The following VAT1L variants were observed in gnomAD, a reference collection of about 807,000 sequenced individuals.
VAT1L encodes the protein putative NADPH-dependent quinone oxidoreductase VAT1L.
In VAT1L, 34 loss-of-function variants were observed where a neutral mutation model predicts 44.1. That is an observed-to-expected ratio of 0.77 (90% confidence interval 0.59 to 1.03). The LOEUF is 1.03. Ranked by LOEUF, VAT1L falls within the 50% of genes least tolerant of loss-of-function variation. The pLI is 0.00. For missense variants in VAT1L, 615 were observed against 538.8 expected (o/e 1.14, Z -1.40); for synonymous variants, 253 against 202.2 (o/e 1.25, Z -2.13).
At chr16:77,914,857 G>A (rs911526539) in intron 7 of VAT1L, among the ~76,000 whole-genome samples, 2 of 152,234 alleles carry the variant, frequency 1.3e-5, no homozygotes, top group African/African-American at 4.8e-5. Flanking sequence ...CGGACACGGT[G>A]GTTCACGCCT....
chr16:77,801,232 G>A (rs1413724767), intron 1 of VAT1L: 1 of 152,138 alleles, frequency 6.6e-6, no homozygotes, highest in Non-Finnish European at 1.5e-5. Flanking sequence ...GAAAAAGCAT[G>A]ATGAAGAAAG....
chr16:77,883,325 C>A (rs1402945879), intron 6 of VAT1L, among the ~76,000 whole-genome samples: 11 of 152,118 alleles, frequency 7.2e-5, no homozygotes, highest in Admixed American at 2.0e-4. Context: ...TAAATCATAA[C>A]AAAGCAGTTG....
At chr16:77,967,415 G>C (rs1257222191) in intron 7 of VAT1L, among the ~76,000 whole-genome samples, 3 of 152,302 alleles carry the variant, frequency 2.0e-5, no homozygotes, top group African/African-American at 7.2e-5. Context: ...TCATATGGTG[G>C]CCTAAGAAAG....
chr16:77,801,904 G>A (rs1331746906), intron 1 of VAT1L, among the ~76,000 whole-genome samples: 1 of 152,034 alleles, frequency 6.6e-6, no homozygotes, highest in Non-Finnish European at 1.5e-5. Context: ...GTTCCTACTG[G>A]GGACCTCATA....
chr16:77,822,356 A>G (rs1282193323), intron 2 of VAT1L, among the ~76,000 whole-genome samples: 1 of 151,546 alleles, frequency 6.6e-6, no homozygotes, highest in Non-Finnish European at 1.5e-5. Context: ...CTGGGCTTGA[A>G]CTCCCGAGAC....
chr16:77,951,357 G>C (rs2018040175), intron 7 of VAT1L, among the ~76,000 whole-genome samples: 1 of 150,060 alleles, frequency 6.7e-6, no homozygotes, highest in Admixed American at 6.6e-5. Flanking sequence ...ACCAGCCTGG[G>C]CAATATGGTG....
chr16:77,789,979 T>G (rs2015803442), intron 1 of VAT1L, among the ~76,000 whole-genome samples: 1 of 152,174 alleles, frequency 6.6e-6, no homozygotes, highest in Admixed American at 6.5e-5. Flanking sequence ...GAGACGAGCC[T>G]ATTCCTTCCC....
chr16:77,922,184 G>A lies in VAT1L; in HGVS notation c.1077+37382G>A, dbSNP rs548305948. Among the ~76,000 whole-genome samples the A allele has an allele frequency of 1.1e-4, 16 of 149,758 alleles. No individual in the cohort carries two copies. The East Asian group carries it at 2.4e-3, about 22-fold the overall frequency. ...GCTGTGTGAGTTTGGGATGGCGGGC[G>A]GGGGTGGAGGGGCAGTGTCTGTATG... On this transcript the variant is annotated intron_variant, in intron 7 of 8. Coordinates refer to ENST00000302536, the MANE Select transcript of VAT1L (RefSeq NM_020927.3).
chr16:77,919,123 GGTGT>G (rs373222548), intron 7 of VAT1L, among the ~76,000 whole-genome samples: 2 of 151,858 alleles, frequency 1.3e-5, no homozygotes, highest in African/African-American at 4.8e-5. Context: ...GAGTTTTGAG[GGTGT>G]GTGTGTGTGC....
chr16:77,879,186 A>T lies in VAT1L; in HGVS notation c.844A>T (p.Thr282Ser), dbSNP rs1344142761. The change falls in exon 6 of 9, where the codon ACT becomes TCT. Residue 282 changes from threonine to serine, a missense_variant. Physicochemically the swap from Thr to Ser is moderately conservative, Grantham distance 58. Coordinates refer to ENST00000302536, the MANE Select transcript of VAT1L (RefSeq NM_020927.3). The surrounding 1 kb of genome is among the most constrained non-coding windows in gnomAD (Gnocchi z 4.1). Reference sequence around the variant, plus strand: ...ATTTTCAGGCTCATCCAACATGGTAACTGGAGAGACCAAGAGCTTCTTCAG... The same window carrying T: ...ATTTTCAGGCTCATCCAACATGGTATCTGGAGAGACCAAGAGCTTCTTCAG... ...YILYGSSNMV[T>S]GETKSFFSFA... The T allele has an allele frequency of 6.2e-7, 1 of 1,614,198 alleles. No homozygotes were observed.
chr16:77,869,675 TA>T (rs1028800098), intron 4 of VAT1L, among the ~76,000 whole-genome samples: 2 of 151,714 alleles, frequency 1.3e-5, no homozygotes, highest in Non-Finnish European at 2.9e-5. Context: ...TCTCAATGAT[TA>T]AAAAAAACCA....
intron 7 of VAT1L, among the ~76,000 whole-genome samples, chr16:77,919,066 T>C (rs549469209): frequency 1.3e-5 from 2 of 152,292 alleles, no homozygotes; most frequent in East Asian, 3.9e-4. Flanking sequence ...GGAGAGGAAG[T>C]GCATTGAATC....
chr16:77,942,409 C>G (rs542887316), intron 7 of VAT1L, among the ~76,000 whole-genome samples: 1 of 151,970 alleles, frequency 6.6e-6, no homozygotes, highest in Admixed American at 6.6e-5. Flanking sequence ...GGTGGGGACA[C>G]AGCCACACCA....
chr16:77,887,175 C>G (rs1020266801), intron 7 of VAT1L, among the ~76,000 whole-genome samples: 1 of 152,070 alleles, frequency 6.6e-6, no homozygotes, highest in Non-Finnish European at 1.5e-5. Flanking sequence ...GGGTGAAGAA[C>G]AAAAGATTTT....
chr16:77,941,017 T>C (rs184729423), intron 7 of VAT1L, among the ~76,000 whole-genome samples: 1 of 152,210 alleles, frequency 6.6e-6, no homozygotes, highest in African/African-American at 2.4e-5. Context: ...CAAGTTAGAA[T>C]GTATTAGAAT....
intron 2 of VAT1L, 34 bp downstream of exon 2, chr16:77,817,084 CA>C (rs2145236169): frequency 6.3e-7 from 1 of 1,597,150 alleles, no homozygotes; most frequent in African/African-American, 1.3e-5. Flanking sequence ...GAGTAATATT[CA>C]TTTGGAATCC....
At chr16:77,955,729 C>CAAAAA (rs61334608) in intron 7 of VAT1L, among the ~76,000 whole-genome samples, 8 of 137,940 alleles carry the variant, frequency 5.8e-5, no homozygotes, top group African/African-American at 1.4e-4. Flanking sequence ...TCCCCCCCCC[C>CAAAAA]AAAAAAAAAA....
At chr16:77,826,978 A>C (rs2145248084) in intron 3 of VAT1L, among the ~76,000 whole-genome samples, 1 of 152,324 alleles carries the variant, frequency 6.6e-6, no homozygotes, top group Non-Finnish European at 1.5e-5. Context: ...TAACTATTAA[A>C]ACTCTATATA....
At chr16:77,825,024 G>A (rs1026821156) in intron 2 of VAT1L, among the ~76,000 whole-genome samples, 7 of 151,584 alleles carry the variant, frequency 4.6e-5, no homozygotes, top group Non-Finnish European at 8.8e-5. Flanking sequence ...GCGCCATCAC[G>A]CCTGGTGAAT....
Sources: gnomAD v4.1 joint callset for allele counts (sites outside exome capture counted in the v4.1 genomes callset) on GRCh38, gnomAD v4.1.1 for gene constraint, Gnocchi (gnomAD v3.1) non-coding constraint, MANE v1.5 for transcripts, NCBI Gene and HGNC (gene_info 2026-07-23, HGNC 2026-07-21) for gene names.